Variants in UNC5D observed in about 807,000 individuals in gnomAD.
UNC5D encodes netrin receptor UNC5D.
Under a neutral mutation model 105.4 loss-of-function variants are expected in UNC5D, and 39 were observed. The observed-to-expected ratio is 0.37, with a 90% CI of 0.29 to 0.48. The LOEUF (loss-of-function observed/expected upper bound fraction) is 0.48, where lower values mean the gene tolerates loss of function less well. Among genes scored for constraint, UNC5D ranks in the 20% least tolerant of loss-of-function variants. The pLI, the probability that UNC5D is intolerant of heterozygous loss-of-function variation, is 0.98. For synonymous variants in UNC5D, 452 were observed against 450.4 expected, an observed-to-expected ratio of 1.00 and a Z score of -0.04; for missense variants, 991 against 1,202.4, an observed-to-expected ratio of 0.82 and a Z score of 2.60.
intron 11 of UNC5D, among the ~76,000 whole-genome samples, chr8:35,744,884 C>A (rs1357344474): frequency 6.6e-6 from 1 of 152,078 alleles, no homozygotes; most frequent in Non-Finnish European, 1.5e-5. Context: ...GAAGCCCTGT[C>A]TCTACTAAAA....
At chr8:35,453,559 T>A (rs1808302294) in intron 1 of UNC5D, among the ~76,000 whole-genome samples, 1 of 152,200 alleles carries the variant, frequency 6.6e-6, no homozygotes, top group Non-Finnish European at 1.5e-5. Flanking sequence ...AGAATAATTT[T>A]GTTTCCTTCA....
intron 1 of UNC5D, among the ~76,000 whole-genome samples, chr8:35,252,530 A>G (rs1025973448): frequency 6.6e-6 from 1 of 152,220 alleles, no homozygotes; most frequent in African/African-American, 2.4e-5. Flanking sequence ...CATATTCTTC[A>G]GCAGTTTGTT....
chr8:35,357,778 C>G (rs894428462), intron 1 of UNC5D, among the ~76,000 whole-genome samples: 2 of 152,116 alleles, frequency 1.3e-5, no homozygotes, highest in South Asian at 4.1e-4. Context: ...TATGCTTTGG[C>G]TGATGGTATG....
intron 1 of UNC5D, chr8:35,256,606 A>C (rs1409918849): frequency 2.2e-5 from 3 of 138,628 alleles, no homozygotes; most frequent in African/African-American, 9.0e-5. Flanking sequence ...TGTGCTTTAC[A>C]AAAAAAAAAA....
intron 1 of UNC5D, among the ~76,000 whole-genome samples, chr8:35,464,817 G>A (rs1809177805): frequency 6.6e-6 from 1 of 152,170 alleles, no homozygotes; most frequent in Admixed American, 6.5e-5. Context: ...ACACATAACA[G>A]CATAACATTT....
intron 3 of UNC5D, among the ~76,000 whole-genome samples, chr8:35,580,550 A>G (rs1818414425): frequency 8.3e-6 from 1 of 120,470 alleles, no homozygotes; most frequent in African/African-American, 3.3e-5. Context: ...AGACTGAAAG[A>G]AAAAAAAAAG....
intron 1 of UNC5D, among the ~76,000 whole-genome samples, chr8:35,447,777 C>G (rs1807892612): frequency 6.6e-6 from 1 of 152,060 alleles, no homozygotes. Flanking sequence ...TATTCATCCT[C>G]TACCCTCATC....
chr8:35,593,381 T>A (rs1819297418), intron 3 of UNC5D, among the ~76,000 whole-genome samples: 1 of 152,130 alleles, frequency 6.6e-6, no homozygotes, highest in African/African-American at 2.4e-5. Flanking sequence ...AAAATTGGGA[T>A]GACCATTTAG....
chr8:35,329,231 C>G (rs1810410287), intron 1 of UNC5D, among the ~76,000 whole-genome samples: 1 of 152,038 alleles, frequency 6.6e-6, no homozygotes, highest in Non-Finnish European at 1.5e-5. Flanking sequence ...TTGGAATTGT[C>G]CACTTCCCAA....
At chr8:35,566,521 G>A (rs1375450702) in intron 2 of UNC5D, among the ~76,000 whole-genome samples, 1 of 152,220 alleles carries the variant, frequency 6.6e-6, no homozygotes, top group Non-Finnish European at 1.5e-5. Flanking sequence ...TCAAGTGTAA[G>A]TACTAAAATA....
At chr8:35,721,951 A>G (rs1828605891) in intron 8 of UNC5D, among the ~76,000 whole-genome samples, 1 of 152,228 alleles carries the variant, frequency 6.6e-6, no homozygotes, top group Non-Finnish European at 1.5e-5. Context: ...TGCAAAATTG[A>G]TTATATTCAA....
intron 8 of UNC5D, among the ~76,000 whole-genome samples, chr8:35,715,466 A>G (rs1308480890): frequency 1.3e-5 from 2 of 152,192 alleles, no homozygotes; most frequent in Non-Finnish European, 2.9e-5. Flanking sequence ...TATTACTTCT[A>G]TTTGTTCTTT....
At chr8:35,330,370 G>T (rs927517210) in intron 1 of UNC5D, among the ~76,000 whole-genome samples, 1 of 152,104 alleles carries the variant, frequency 6.6e-6, no homozygotes, top group Non-Finnish European at 1.5e-5. Context: ...CACCTTTCCA[G>T]ACTCCATTTT....
At position 35,791,472 on chromosome 8, in the gene UNC5D, C is replaced by G. The variant is rs1482497128; in HGVS notation, c.*909C>G. On this transcript the variant is annotated 3_prime_UTR_variant, in exon 17 of 17. Coordinates refer to ENST00000404895, the MANE Select transcript of UNC5D (RefSeq NM_080872.4). ...CATGAACTGCAGATGCCATAGGCCT[C>G]AAATCAGCTGTAATTCTAGGAGACA... 2.0e-5 allele frequency: 3 copies of G among 151,968 alleles called. No homozygotes were observed. Among genetic ancestry groups the G allele is most frequent in the Admixed American group, 1.3e-4 (2 of 15,246 alleles). The allele number at this position is 151,968 out of a possible 1,614,324, so 9.4% of individuals were successfully genotyped here.
At chr8:35,671,752 TAG>T (rs1272967900) in intron 4 of UNC5D, among the ~76,000 whole-genome samples, 1 of 152,148 alleles carries the variant, frequency 6.6e-6, no homozygotes, top group African/African-American at 2.4e-5. Flanking sequence ...GAAACTTGGA[TAG>T]AGTGTCTAGT....
intron 3 of UNC5D, among the ~76,000 whole-genome samples, chr8:35,585,750 A>G (rs914967887): frequency 6.6e-6 from 1 of 151,640 alleles, no homozygotes; most frequent in Non-Finnish European, 1.5e-5. Flanking sequence ...GAAACTTGGT[A>G]CAATAAAATG....
intron 1 of UNC5D, among the ~76,000 whole-genome samples, chr8:35,378,411 C>T (rs528713312): frequency 2.6e-5 from 4 of 152,258 alleles, no homozygotes; most frequent in African/African-American, 9.6e-5. Context: ...GCAAGCCTTC[C>T]GTGACATCTA....
intron 1 of UNC5D, among the ~76,000 whole-genome samples, chr8:35,454,733 T>C (rs1308056028): frequency 1.3e-5 from 2 of 152,182 alleles, no homozygotes; most frequent in African/African-American, 4.8e-5. Flanking sequence ...CCCGTACCCA[T>C]AAAAATTTAA....
intron 13 of UNC5D, among the ~76,000 whole-genome samples, chr8:35,756,350 C>T (rs561165211): frequency 6.6e-6 from 1 of 152,072 alleles, no homozygotes; most frequent in South Asian, 2.1e-4. Context: ...GTACTCTTTT[C>T]TTCCATGATA....
Sources: gnomAD v4.1 joint callset for allele counts (sites outside exome capture counted in the v4.1 genomes callset) on GRCh38, gnomAD v4.1.1 for gene constraint, MANE v1.5 for transcripts, NCBI Gene and HGNC (gene_info 2026-07-23, HGNC 2026-07-21) for gene names.